Variants in SDK2 observed in about 807,000 individuals in gnomAD.
The protein encoded by SDK2 is protein sidekick-2.
In SDK2, 105 loss-of-function variants were observed where a neutral mutation model predicts 253.9. The observed-to-expected ratio is 0.41, with a 90% CI of 0.35 to 0.49. The LOEUF is 0.49. Ranked by LOEUF, SDK2 falls within the 20% of genes least tolerant of loss-of-function variation. The pLI is 0.06. For missense variants in SDK2, 2,608 were observed against 3,003.0 expected, an observed-to-expected ratio of 0.87 and a Z score of 3.07; for synonymous variants, 1,249 against 1,234.9, an observed-to-expected ratio of 1.01 and a Z score of -0.24.
At chr17:73,507,347 CTG>C (rs1567812670) in intron 2 of SDK2, 89 bp downstream of exon 2, 1 of 1,362,968 alleles carries the variant, frequency 7.3e-7, no homozygotes, top group Admixed American at 2.3e-5. Flanking sequence ...GAGCCCCACA[CTG>C]TCACACAAAC....
intron 1 of SDK2, among the ~76,000 whole-genome samples, chr17:73,597,812 A>AT (rs1238305513): frequency 2.6e-5 from 4 of 151,832 alleles, no homozygotes; most frequent in Non-Finnish European, 4.4e-5. Context: ...CGCCCGGGTA[A>AT]TTTTTTGTAT....
intron 40 of SDK2, 115 bp downstream of exon 40, chr17:73,357,964 A>G (rs1568364245): frequency 6.7e-7 from 1 of 1,489,854 alleles, no homozygotes; most frequent in South Asian, 1.1e-5. Context: ...CTTCACCTGT[A>G]GTAGCACAAG....
intron 1 of SDK2, among the ~76,000 whole-genome samples, chr17:73,561,422 G>A (rs1388336722): frequency 6.6e-6 from 1 of 152,238 alleles, no homozygotes; most frequent in Non-Finnish European, 1.5e-5. Context: ...GACCCCAAAT[G>A]GTGACGTGGC....
At chr17:73,344,385 G>T (rs751583812) in intron 44 of SDK2, among the ~76,000 whole-genome samples, 1 of 152,182 alleles carries the variant, frequency 6.6e-6, no homozygotes, top group Non-Finnish European at 1.5e-5. Flanking sequence ...GGCAGTGAAG[G>T]CCTCTTTCCT....
At chr17:73,543,575 A>G (rs1273846335) in intron 1 of SDK2, among the ~76,000 whole-genome samples, 2 of 152,256 alleles carry the variant, frequency 1.3e-5, no homozygotes, top group Non-Finnish European at 2.9e-5. Flanking sequence ...CACAGGAGTT[A>G]TTAACACAAG....
At position 73,422,226 on chromosome 17, in the gene SDK2, G is replaced by A. The variant is rs373648764; in HGVS notation, c.2045+61C>T. ...AGCCAGAATCTGCCACATCGGTTTC[G>A]GCTGCAGCCCCTGCCTGTTGGAGTC... On this transcript the variant is annotated intron_variant, in intron 15 of 44. Transcript: ENST00000392650. 404 of 1,585,938 alleles carry A rather than the reference G, an allele frequency of 2.5e-4. 1 individual carries two copies. Among genetic ancestry groups the A allele is most frequent in the African/African-American group, 1.2e-3 (87 of 74,344 alleles).
At chr17:73,376,610 T>C (rs1452446035) in intron 36 of SDK2, among the ~76,000 whole-genome samples, 4 of 152,112 alleles carry the variant, frequency 2.6e-5, no homozygotes, top group Non-Finnish European at 4.4e-5. Flanking sequence ...CTGGAGCATG[T>C]AGGCCTCTGC....
chr17:73,555,380 A>T (rs1177650239), intron 1 of SDK2, among the ~76,000 whole-genome samples: 1 of 152,178 alleles, frequency 6.6e-6, no homozygotes, highest in Non-Finnish European at 1.5e-5. Flanking sequence ...GAATGGGAGT[A>T]TTCCTGGCCT....
chr17:73,427,865 T>A (rs1044481859), intron 12 of SDK2, among the ~76,000 whole-genome samples: 1 of 152,180 alleles, frequency 6.6e-6, no homozygotes, highest in African/African-American at 2.4e-5. Flanking sequence ...TTTCATTAAA[T>A]CAAACATTGC....
intron 32 of SDK2, among the ~76,000 whole-genome samples, chr17:73,384,556 C>T (rs1344757991): frequency 6.6e-6 from 1 of 152,228 alleles, no homozygotes; most frequent in Non-Finnish European, 1.5e-5. Context: ...AGCTTAGCTG[C>T]AGAACCGGCT....
In SDK2 at chr17:73,338,736, C is replaced by T; in HGVS notation, c.6370G>A (p.Gly2124Ser). 1 of 1,613,292 alleles carries T rather than the reference C, an allele frequency of 6.2e-7. No homozygotes were observed. Among genetic ancestry groups the T allele is most frequent in the Non-Finnish European group, 8.5e-7 (1 of 1,179,662 alleles). ...CTGGCCTTGGGCCGAAAGAGGCTGCCCTGCTGGGTGCTGGTGCTGTTGGTG... is the reference window on the plus strand; with the variant it reads ...CTGGCCTTGGGCCGAAAGAGGCTGCTCTGCTGGGTGCTGGTGCTGTTGGTG... ...TVTNSTSTQQ[G>S]SLFRPKASRT... The change falls in exon 45 of 45, where the codon GGC becomes AGC. Residue 2124 changes from glycine to serine, a missense_variant. Coordinates refer to ENST00000392650, the MANE Select transcript of SDK2 (RefSeq NM_001144952.2). The surrounding 1 kb of genome is among the most constrained non-coding windows in gnomAD (Gnocchi z 5.0).
At chr17:73,548,522 T>A (rs1373677434) in intron 1 of SDK2, among the ~76,000 whole-genome samples, 1 of 152,244 alleles carries the variant, frequency 6.6e-6, no homozygotes, top group Non-Finnish European at 1.5e-5. Flanking sequence ...TGATCCCATT[T>A]GTGGGACACA....
chr17:73,531,763 C>A (rs2064170807), intron 1 of SDK2, among the ~76,000 whole-genome samples: 1 of 152,172 alleles, frequency 6.6e-6, no homozygotes, highest in Admixed American at 6.5e-5. Flanking sequence ...TGTCACTGAA[C>A]CAGAGACATG....
intron 18 of SDK2, among the ~76,000 whole-genome samples, chr17:73,412,138 G>A (rs1389152795): frequency 9.5e-4 from 22 of 23,064 alleles, no homozygotes; most frequent in African/African-American, 1.6e-3. Context: ...ATGTGTATGT[G>A]TATATGTATA....
At chr17:73,532,550 CG>C (rs1478972897) in intron 1 of SDK2, among the ~76,000 whole-genome samples, 1 of 152,202 alleles carries the variant, frequency 6.6e-6, no homozygotes, top group Non-Finnish European at 1.5e-5. Flanking sequence ...GGAGCCAGGG[CG>C]GATGCAACCA....
At chr17:73,542,902 A>G (rs1349825684) in intron 1 of SDK2, among the ~76,000 whole-genome samples, 2 of 152,196 alleles carry the variant, frequency 1.3e-5, no homozygotes, top group Non-Finnish European at 2.9e-5. Context: ...CCCAGAAGTG[A>G]GGACATTCAT....
At chr17:73,575,727 A>G (rs1261637903) in intron 1 of SDK2, among the ~76,000 whole-genome samples, 1 of 151,120 alleles carries the variant, frequency 6.6e-6, no homozygotes, top group Non-Finnish European at 1.5e-5. Flanking sequence ...TTAAAGTTGA[A>G]TAGACAATCT....
intron 2 of SDK2, among the ~76,000 whole-genome samples, chr17:73,474,156 C>T (rs76694130): frequency 0.011 from 1,729 of 152,216 alleles, 17 homozygotes; most frequent in Non-Finnish European, 0.019. Context: ...CATGAGCCAC[C>T]GCACCCAGCC....
At chr17:73,392,549 G>A (rs1359957520) in intron 27 of SDK2, among the ~76,000 whole-genome samples, 4 of 152,212 alleles carry the variant, frequency 2.6e-5, no homozygotes, top group Admixed American at 1.3e-4. Context: ...GATTACAGGC[G>A]TGAGCCACCA....
Sources: gnomAD v4.1 joint callset for allele counts (sites outside exome capture counted in the v4.1 genomes callset) on GRCh38, gnomAD v4.1.1 for gene constraint, Gnocchi (gnomAD v3.1) non-coding constraint, MANE v1.5 for transcripts, NCBI Gene and HGNC (gene_info 2026-07-23, HGNC 2026-07-21) for gene names.